Variants in BRD4 observed in about 807,000 individuals in gnomAD.
The protein encoded by BRD4 is bromodomain containing 4, also known as bromodomain-containing protein 4.
A neutral mutation model predicts 142.1 loss-of-function variants in BRD4; 16 were observed. The ratio of observed to expected loss-of-function variants is 0.11; its 90% CI spans 0.08 to 0.17. BRD4 has a LOEUF of 0.17. Among genes scored for constraint, BRD4 ranks in the 10% least tolerant of loss-of-function variants. The pLI is 1.00. For synonymous variants in BRD4, 833 were observed against 707.5 expected, an observed-to-expected ratio of 1.18 and a Z score of -2.82; for missense variants, 1,424 against 1,810.9, an observed-to-expected ratio of 0.79 and a Z score of 3.88.
At chr19:15,285,480 G>A (rs950054047) in intron 1 of BRD4, among the ~76,000 whole-genome samples, 1 of 152,116 alleles carries the variant, frequency 6.6e-6, no homozygotes, top group African/African-American at 2.4e-5. Context: ...AGGGAGGATC[G>A]CTTGAGCCTG....
At chr19:15,313,915 C>G (rs2047995383) in intron 1 of BRD4, among the ~76,000 whole-genome samples, 1 of 152,128 alleles carries the variant, frequency 6.6e-6, no homozygotes, top group Non-Finnish European at 1.5e-5. Context: ...TAACCAGAAA[C>G]ATCAAGTGCT....
intron 1 of BRD4, among the ~76,000 whole-genome samples, chr19:15,322,882 A>G (rs1167473193): frequency 7.0e-6 from 1 of 142,922 alleles, no homozygotes; most frequent in African/African-American, 2.7e-5. Context: ...AAAAAAAAAA[A>G]AAGAAAAGAA....
intron 11 of BRD4, chr19:15,249,437 C>T (rs920316569): frequency 6.3e-6 from 9 of 1,431,448 alleles, no homozygotes; most frequent in Non-Finnish European, 8.6e-6. Context: ...GACTGGAGCC[C>T]TGCCCCGTGC....
At chr19:15,270,998 G>C (rs1040368255) in intron 2 of BRD4, among the ~76,000 whole-genome samples, 12 of 152,228 alleles carry the variant, frequency 7.9e-5, no homozygotes, top group African/African-American at 2.9e-4. Flanking sequence ...TTCACACTCT[G>C]CCTGGACCAA....
chr19:15,265,750 G>T, intron 4 of BRD4, 107 bp from the exon 5 acceptor site: 1 of 1,224,590 alleles, frequency 8.2e-7, no homozygotes, highest in Non-Finnish European at 1.2e-6. Context: ...TTCGCGTGTT[G>T]CATTTGCCTG....
In BRD4 at chr19:15,264,330, A is replaced by C. The variant is rs2047507136; in HGVS notation, c.1212+74T>G. 5.3e-6 allele frequency: 8 copies of C among 1,500,986 alleles called. No homozygotes were observed. In the South Asian group the frequency reaches 1.1e-4, roughly 21 times the overall value. 93.0% of individuals were successfully genotyped at this position (1,500,986 alleles called of 1,614,324 possible). A position where few individuals can be genotyped will look rare whatever the true frequency, so the allele number is the denominator to read the frequency against. On this transcript the variant is annotated intron_variant, in intron 6 of 19. Coordinates refer to ENST00000679869, the MANE Select transcript of BRD4 (RefSeq NM_001379291.1). ...GGGCCTGGGCTTCCTCTTGGACTAAAAGGTCTAGGAAGGTTCTGATGTGGA... is the reference window on the plus strand; with the variant it reads ...GGGCCTGGGCTTCCTCTTGGACTAACAGGTCTAGGAAGGTTCTGATGTGGA...
At chr19:15,313,804 G>A (rs1156612087) in intron 1 of BRD4, among the ~76,000 whole-genome samples, 1 of 152,200 alleles carries the variant, frequency 6.6e-6, no homozygotes, top group Non-Finnish European at 1.5e-5. Context: ...CCTAGCACAT[G>A]AACTAATGGG....
Position 15,237,478 on chromosome 19 carries a change from A to C in BRD4, c.*899T>G. 4.4e-6 allele frequency: 1 copy of C among 226,334 alleles called. No individual in the cohort carries two copies. The highest frequency in any genetic ancestry group is 8.8e-6 in the Non-Finnish European group (1 of 113,782). 14.0% of individuals were successfully genotyped at this position (226,334 alleles called of 1,614,324 possible). On this transcript the variant is annotated 3_prime_UTR_variant, in exon 20 of 20. Coordinates refer to ENST00000679869, the MANE Select transcript of BRD4 (RefSeq NM_001379291.1). ...ACTATGTTCACTATACAGTACAGCC[A>C]CGGTCACACACTACCCACAGCGCGG...
At chr19:15,294,564 G>A (rs2047808485) in intron 1 of BRD4, among the ~76,000 whole-genome samples, 1 of 152,236 alleles carries the variant, frequency 6.6e-6, no homozygotes, top group South Asian at 2.1e-4. Context: ...GGCTAATTTT[G>A]TTCCCCTTTC....
intron 7 of BRD4, among the ~76,000 whole-genome samples, chr19:15,261,120 G>T (rs550354954): frequency 6.6e-6 from 1 of 152,220 alleles, no homozygotes; most frequent in African/African-American, 2.4e-5. Context: ...GAGAGGGAGC[G>T]GTGGAGGAGT....
intron 11 of BRD4, chr19:15,248,376 T>C (rs2047310755): frequency 9.3e-6 from 2 of 214,342 alleles, no homozygotes; most frequent in African/African-American, 4.5e-5. Flanking sequence ...CCTGAGGGTC[T>C]GTGACACCCT....
rs753385278 is a variant in BRD4, at chr19:15,239,530, A to G, written c.3446-8T>C. ...CAGGCTTCATTTCCGGCCCTGGAAC[A>G]TAAACAGCCGGTGGGCCCTGGCCCA... On this transcript the variant is annotated splice_region_variant and splice_polypyrimidine_tract_variant and intron_variant, in intron 16 of 19. Coordinates refer to ENST00000679869, the MANE Select transcript of BRD4 (RefSeq NM_001379291.1). The surrounding 1 kb of genome is among the most constrained non-coding windows in gnomAD (Gnocchi z 7.4). 1.2e-6 allele frequency: 2 copies of G among 1,608,544 alleles called. No homozygotes were observed. The highest frequency in any genetic ancestry group is 8.5e-7 in the Non-Finnish European group (1 of 1,177,946).
At chr19:15,255,228 G>T (rs781155544) in intron 10 of BRD4, 69 bp downstream of exon 10, 7 of 1,466,528 alleles carry the variant, frequency 4.8e-6, no homozygotes, top group Non-Finnish European at 6.5e-6. Context: ...AGTGGACTGA[G>T]CAAGGAGGGA....
intron 1 of BRD4, among the ~76,000 whole-genome samples, chr19:15,275,352 C>A (rs778010349): frequency 6.6e-6 from 1 of 152,158 alleles, no homozygotes; most frequent in Non-Finnish European, 1.5e-5. Flanking sequence ...GGCCTCATCC[C>A]CACTTTACAG....
intron 6 of BRD4, 54 bp downstream of exon 6, chr19:15,264,350 T>C (rs2047507406): frequency 6.5e-7 from 1 of 1,545,660 alleles, no homozygotes; most frequent in East Asian, 2.3e-5. Context: ...AAGGTTCTGA[T>C]GTGGAGGGAC....
intron 4 of BRD4, among the ~76,000 whole-genome samples, chr19:15,267,040 G>A (rs1599467419): frequency 6.6e-6 from 1 of 152,204 alleles, no homozygotes; most frequent in Non-Finnish European, 1.5e-5. Context: ...TTAGAACTGA[G>A]ATGTTAGTTA....
chr19:15,278,459 C>G (rs2047672994), intron 1 of BRD4, among the ~76,000 whole-genome samples: 1 of 148,158 alleles, frequency 6.7e-6, no homozygotes, highest in African/African-American at 2.5e-5. Flanking sequence ...CACTTGAACC[C>G]GGGAGGTGGA....
In BRD4 at chr19:15,244,455, G is replaced by A. The variant is rs770044101; in HGVS notation, c.2357C>T (p.Pro786Leu). Reference protein sequence around the residue: ...PPPPPPPPSMPQQAAPAMKSS... With the variant: ...PPPPPPPPSMLQQAAPAMKSS... The stretch of plus-strand genomic sequence containing the variant: ...CTTCATCGCCGGGGCTGCCTGCTGC[G>A]GCATGGAGGGTGGGGGAGGCGGGGG... Residue 786 changes from proline (P) to leucine (L), a missense_variant, in exon 13 of 20, where the codon CCG becomes CTG. Pro to Leu is a moderately conservative substitution (Grantham distance 98). Coordinates refer to ENST00000679869, the MANE Select transcript of BRD4 (RefSeq NM_001379291.1). 1.2e-4 allele frequency: 180 copies of A among 1,550,924 alleles called. 1 individual carries two copies. Among genetic ancestry groups the A allele is most frequent in the Middle Eastern group, 9.1e-4 (4 of 4,398 alleles).
At chr19:15,310,147 C>CCACTGATA (rs1416142944) in intron 1 of BRD4, among the ~76,000 whole-genome samples, 1 of 151,408 alleles carries the variant, frequency 6.6e-6, no homozygotes, top group Non-Finnish European at 1.5e-5. Flanking sequence ...AGTGAGAAGC[C>CCACTGATA]CACTGATAGG....
Sources: allele counts gnomAD v4.1 joint callset (sites outside exome capture counted in the v4.1 genomes callset), GRCh38; gene constraint gnomAD v4.1.1; non-coding constraint Gnocchi (gnomAD v3.1); transcripts MANE v1.5; gene names NCBI Gene and HGNC (gene_info 2026-07-23, HGNC 2026-07-21).